The following PCDH20 variants were observed in gnomAD, a reference collection of about 807,000 sequenced individuals.
PCDH20 encodes the protein protocadherin 20.
Under a neutral mutation model 39.7 loss-of-function variants are expected in PCDH20, and 18 were observed. The ratio of observed to expected loss-of-function variants is 0.45; its 90% CI spans 0.31 to 0.67. The LOEUF (loss-of-function observed/expected upper bound fraction) is 0.67. Ranked by LOEUF, PCDH20 falls within the 30% of genes least tolerant of loss-of-function variation. PCDH20 has a pLI of 0.05. For synonymous variants in PCDH20, 495 were observed against 455.4 expected (o/e 1.09, Z -1.11); for missense variants, 1,161 against 1,167.4 (o/e 0.99, Z 0.08).
exon 2 of PCDH20, chr13:61,413,361 G>A (rs1384750871): frequency 6.2e-7 from 1 of 1,614,060 alleles, no homozygotes; most frequent in Admixed American, 1.7e-5. Flanking sequence ...GTAAGCGATA[G>A]GTCTGTACCC....
chr13:61,413,748 G>A, exon 2 of PCDH20: 1 of 1,613,928 alleles, frequency 6.2e-7, no homozygotes, highest in Non-Finnish European at 8.5e-7. Context: ...GGCTGAAGGA[G>A]AGAGGGGGGT....
chr13:61,413,389 G>T (rs775461478), exon 2 of PCDH20: 2 of 1,614,064 alleles, frequency 1.2e-6, no homozygotes, highest in South Asian at 2.2e-5. Context: ...GCCTACATCT[G>T]GGTCCACAGC....
exon 2 of PCDH20, chr13:61,412,081 C>A: frequency 6.2e-7 from 1 of 1,614,112 alleles, no homozygotes; most frequent in Non-Finnish European, 8.5e-7. Context: ...GAGGGCGACC[C>A]ATCCATTTCG....
chr13:61,411,285 C>A, exon 2 of PCDH20: 2 of 1,613,920 alleles, frequency 1.2e-6, no homozygotes, highest in Non-Finnish European at 1.7e-6. Flanking sequence ...CTCGCATATG[C>A]AAGTCAATTT....
chr13:61,412,901 C>T (rs1871432460), exon 2 of PCDH20: 1 of 1,614,100 alleles, frequency 6.2e-7, no homozygotes, highest in Non-Finnish European at 8.5e-7. Context: ...GGTCCATTAG[C>T]AAGGATGGTG....
At chr13:61,413,844 C>T (rs751586083) in exon 2 of PCDH20, 1 of 1,612,808 alleles carries the variant, frequency 6.2e-7, no homozygotes, top group Non-Finnish European at 8.5e-7. Flanking sequence ...GGTCCTCGGC[C>T]AGGCTGCCGA....
At chr13:61,412,793 C>A (rs1490552534) in exon 2 of PCDH20, 1 of 1,614,076 alleles carries the variant, frequency 6.2e-7, no homozygotes. Context: ...ACCACACCAT[C>A]TATCTCGTTT....
chr13:61,414,639 T>G (rs1364061449), intron 1 of PCDH20, among the ~76,000 whole-genome samples: 4 of 152,008 alleles, frequency 2.6e-5, no homozygotes, highest in Non-Finnish European at 4.4e-5. Flanking sequence ...CAGTCACTAA[T>G]CCCCCTCCCT....
At chr13:61,414,574 T>A (rs1871494059) in intron 1 of PCDH20, among the ~76,000 whole-genome samples, 1 of 152,130 alleles carries the variant, frequency 6.6e-6, no homozygotes, top group Non-Finnish European at 1.5e-5. Context: ...GATTTTTATT[T>A]TAGCACACAT....
At chr13:61,413,560 A>C in exon 2 of PCDH20, 1 of 1,614,176 alleles carries the variant, frequency 6.2e-7, no homozygotes, top group Non-Finnish European at 8.5e-7. Flanking sequence ...AAGCACATCC[A>C]GCAGCAAAAG....
chr13:61,411,669 C>T (rs1878249277), exon 2 of PCDH20: 1 of 1,614,188 alleles, frequency 6.2e-7, no homozygotes, highest in African/African-American at 1.3e-5. Flanking sequence ...CTGTCTGCAG[C>T]AATGCCTCTT....
exon 2 of PCDH20, chr13:61,413,461 T>G: frequency 6.2e-7 from 1 of 1,613,692 alleles, no homozygotes; most frequent in Non-Finnish European, 8.5e-7. Flanking sequence ...CACCGAGATC[T>G]GGGAAACAGG....
chr13:61,414,452 T>TA (rs1264482084), intron 1 of PCDH20, among the ~76,000 whole-genome samples: 7 of 152,066 alleles, frequency 4.6e-5, no homozygotes, highest in African/African-American at 1.7e-4. Flanking sequence ...TTACATCCCT[T>TA]ACTAAGAGAA....
At chr13:61,412,842 A>G (rs1162399488) in exon 2 of PCDH20, 1 of 1,614,028 alleles carries the variant, frequency 6.2e-7, no homozygotes. Context: ...GTCTGAAAAT[A>G]ACTTTAATAA....
chr13:61,412,520 C>CTAA (rs770036163), exon 2 of PCDH20: 1 of 1,614,172 alleles, frequency 6.2e-7, no homozygotes, highest in East Asian at 2.2e-5. Context: ...TCATTGTCAT[C>CTAA]TAAAAGTTGC....
chr13:61,413,869 G>A, exon 2 of PCDH20: 2 of 1,613,620 alleles, frequency 1.2e-6, no homozygotes, highest in Non-Finnish European at 1.7e-6. Context: ...CACCCCCGCG[G>A]GTAGTCCCTC....
Position 61,411,665 on chromosome 13 carries a change from G to A in PCDH20, c.2434C>T (p.Gln812Ter). 1 of 1,614,164 alleles carries A rather than the reference G, an allele frequency of 6.2e-7. No homozygotes were observed. The highest frequency in any genetic ancestry group is 8.5e-7 in the Non-Finnish European group (1 of 1,180,038). ...AAGCGATGGAGCCCATAATCTGTCT[G>A]CAGCAATGCCTCTTCCAAAGTAATG... Residue 812 changes from glutamine to a stop codon, truncating the protein, a stop_gained, in exon 2 of 2, where the codon CAG becomes TAG. Coordinates refer to ENST00000409204, the Ensembl canonical transcript of PCDH20. LOFTEE classifies it low-confidence loss of function (END_TRUNC).
At chr13:61,411,810 C>T (rs370959201) in exon 2 of PCDH20, 19 of 1,613,982 alleles carry the variant, frequency 1.2e-5, no homozygotes, top group Middle Eastern at 1.6e-4. Context: ...CTTCTGTAAC[C>T]GGGGAGCCTG....
exon 2 of PCDH20, chr13:61,411,933 G>A (rs775014657): frequency 6.2e-7 from 1 of 1,614,100 alleles, no homozygotes; most frequent in Admixed American, 1.7e-5. Context: ...CTGTAGAGGA[G>A]AGGGCAGGCT....
Sources: allele counts gnomAD v4.1 joint callset (sites outside exome capture counted in the v4.1 genomes callset), GRCh38; gene constraint gnomAD v4.1.1; transcripts MANE v1.5; gene names NCBI Gene and HGNC (gene_info 2026-07-23, HGNC 2026-07-21).